ARHGEF7: variants seen among roughly 807,000 people sequenced by gnomAD.
ARHGEF7 encodes PAK-interacting exchange factor beta.
ARHGEF7 carries 33 observed loss-of-function variants against 109.8 expected under a neutral mutation model. The ratio of observed to expected loss-of-function variants is 0.30; its 90% CI spans 0.23 to 0.40. The LOEUF (loss-of-function observed/expected upper bound fraction) is 0.40, where lower values mean the gene tolerates loss of function less well. Among genes scored for constraint, ARHGEF7 ranks in the 10% least tolerant of loss-of-function variants. The pLI is 1.00. For synonymous variants in ARHGEF7, 458 were observed against 424.6 expected, an observed-to-expected ratio of 1.08 and a Z score of -0.97; for missense variants, 938 against 1,098.5, an observed-to-expected ratio of 0.85 and a Z score of 2.07.
chr13:111,179,275 G>C (rs989460766), intron 2 of ARHGEF7, among the ~76,000 whole-genome samples: 19 of 152,010 alleles, frequency 1.2e-4, no homozygotes, highest in Non-Finnish European at 2.6e-4. Flanking sequence ...GTAGAGACAG[G>C]GTTTCGCTAT....
At chr13:111,166,040 G>C (rs1397337876) in intron 2 of ARHGEF7, among the ~76,000 whole-genome samples, 2 of 152,120 alleles carry the variant, frequency 1.3e-5, no homozygotes, top group Non-Finnish European at 2.9e-5. Context: ...GTCACATCTG[G>C]TTCATCTTCC....
intron 19 of ARHGEF7, among the ~76,000 whole-genome samples, chr13:111,296,604 T>A (rs2093433719): frequency 6.6e-6 from 1 of 152,244 alleles, no homozygotes; most frequent in Admixed American, 6.5e-5. Flanking sequence ...GTTTTGTGTA[T>A]GTGGTTATAG....
intron 1 of ARHGEF7, among the ~76,000 whole-genome samples, chr13:111,130,553 ATTGAT>A (rs1436695911): frequency 3.9e-5 from 6 of 152,156 alleles, no homozygotes; most frequent in Non-Finnish European, 8.8e-5. Flanking sequence ...CAGTTCATTT[ATTGAT>A]TTATTTGTTT....
intron 8 of ARHGEF7, among the ~76,000 whole-genome samples, chr13:111,247,593 AT>A (rs962516507): frequency 7.0e-4 from 103 of 146,842 alleles, no homozygotes; most frequent in Admixed American, 4.5e-3. Flanking sequence ...ATTTCTTTTG[AT>A]TTTTTTTTTT....
intron 4 of ARHGEF7, among the ~76,000 whole-genome samples, chr13:111,213,606 TTTG>T (rs910905589): frequency 6.6e-5 from 10 of 152,208 alleles, no homozygotes; most frequent in African/African-American, 1.9e-4. Context: ...GGCATATCCT[TTTG>T]TTGTTGTTGT....
At chr13:111,183,884 G>GTCTCC (rs529732183) in intron 2 of ARHGEF7, among the ~76,000 whole-genome samples, 89 of 152,264 alleles carry the variant, frequency 5.8e-4, no homozygotes, top group Middle Eastern at 6.8e-3. Flanking sequence ...AGCTCTGTAA[G>GTCTCC]TCTCCACCAG....
At chr13:111,127,339 T>A (rs9588362) in intron 1 of ARHGEF7, among the ~76,000 whole-genome samples, 10,084 of 152,150 alleles carry the variant, frequency 0.066, 325 homozygotes, top group Middle Eastern at 0.12. Context: ...AAAAAATAAC[T>A]GTAATTTTAC....
Position 111,239,146 on chromosome 13 carries a change from A to G in ARHGEF7, c.760-4726A>G, listed in dbSNP as rs1307530107. Among the ~76,000 whole-genome samples, 1 of 152,082 alleles carries G rather than the reference A, an allele frequency of 6.6e-6. No individual in the cohort carries two copies. The highest frequency in any genetic ancestry group is 2.4e-5 in the African/African-American group (1 of 41,428). The stretch of plus-strand genomic sequence containing the variant: ...CCCTGCTCCCCCACACCCCCGTGCC[A>G]TGATTCAGTTACCTCCACCCTGTCC... On this transcript the variant is annotated intron_variant, in intron 6 of 21. Transcript: ENST00000646102. The surrounding 1 kb of genome is among the most constrained non-coding windows in gnomAD (Gnocchi z 4.3).
At chr13:111,251,306 G>A (rs917262890) in intron 8 of ARHGEF7, among the ~76,000 whole-genome samples, 10 of 152,242 alleles carry the variant, frequency 6.6e-5, no homozygotes, top group Admixed American at 2.6e-4. Context: ...GGCATTGGCT[G>A]TGGCTGGAGC....
intron 19 of ARHGEF7, chr13:111,294,540 G>A (rs566817054): frequency 2.0e-6 from 2 of 985,418 alleles, no homozygotes; most frequent in South Asian, 9.4e-5. Flanking sequence ...TTTTCTTGAT[G>A]CTAAGATCAC....
intron 8 of ARHGEF7, among the ~76,000 whole-genome samples, chr13:111,245,250 C>G (rs149763082): frequency 5.9e-4 from 90 of 152,240 alleles, no homozygotes; most frequent in African/African-American, 2.1e-3. Context: ...GACCACCAGA[C>G]AGTGACCAGG....
intron 4 of ARHGEF7, among the ~76,000 whole-genome samples, chr13:111,213,056 C>G (rs2082687436): frequency 6.6e-6 from 1 of 152,152 alleles, no homozygotes; most frequent in South Asian, 2.1e-4. Context: ...TATAGGTGCT[C>G]TTAGAGAGCG....
rs922784861 is a variant in ARHGEF7, at chr13:111,266,824, C to T, written c.951-724C>T. 2 of 456,050 alleles carry T rather than the reference C, an allele frequency of 4.4e-6. No homozygotes were observed. The highest frequency in any genetic ancestry group is 2.3e-5 in the Admixed American group (1 of 42,574). 28.3% of individuals were successfully genotyped at this position (456,050 alleles called of 1,614,324 possible). On this transcript the variant is annotated intron_variant, in intron 8 of 21. Coordinates refer to ENST00000646102, the MANE Select transcript of ARHGEF7 (RefSeq NM_001354046.2). This position sits in a 1 kb window ranked among gnomAD's most constrained non-coding sequence, Gnocchi z 4.8. ...AGAGTTCACGTGGTTCTCCTGTTTT[C>T]AGCACACGTGCCCCTGCTCCGGGTT...
intron 8 of ARHGEF7, among the ~76,000 whole-genome samples, chr13:111,252,308 AT>A (rs2089883354): frequency 6.6e-6 from 1 of 152,186 alleles, no homozygotes; most frequent in Non-Finnish European, 1.5e-5. Context: ...TAGGGCCAGG[AT>A]TGAGGGCCTG....
rs761352896 is a variant in ARHGEF7 at position 111,217,874 on chromosome 13, G to T, written c.664G>T (p.Ala222Ser). 1 of 1,610,718 alleles carries T rather than the reference G, an allele frequency of 6.2e-7. No individual in the cohort carries two copies. The highest frequency in any genetic ancestry group is 2.2e-5 in the East Asian group (1 of 44,766). ...CAGCAACTACGTGCGCGAGGTCAAG[G>T]CCAGCGGTAAGTGGCCGAGCCTGGG... ...FPSNYVREVK[A>S]SEKPVSPKSG... The change falls in exon 5 of 22, where the codon GCC becomes TCC. Residue 222 changes from alanine to serine, a missense_variant. Physicochemically the swap from Ala to Ser is moderately conservative, Grantham distance 99. Transcript: ENST00000646102.
intron 19 of ARHGEF7, among the ~76,000 whole-genome samples, chr13:111,296,865 C>T (rs2093438860): frequency 6.6e-6 from 1 of 152,222 alleles, no homozygotes; most frequent in African/African-American, 2.4e-5. Context: ...CCCCTCTCAT[C>T]TCCCAGAAAC....
chr13:111,176,440 T>C (rs2078167209), intron 2 of ARHGEF7, among the ~76,000 whole-genome samples: 1 of 152,234 alleles, frequency 6.6e-6, no homozygotes, highest in African/African-American at 2.4e-5. Flanking sequence ...TCTGGTTAGA[T>C]GGCCGGCCCC....
intron 19 of ARHGEF7, among the ~76,000 whole-genome samples, chr13:111,299,706 G>A (rs2093517670): frequency 6.6e-6 from 1 of 152,184 alleles, no homozygotes; most frequent in Admixed American, 6.5e-5. Flanking sequence ...TCCTGTGACA[G>A]TGAGGCTGCA....
At chr13:111,279,023 T>G (rs2092641038) in intron 13 of ARHGEF7, among the ~76,000 whole-genome samples, 1 of 152,242 alleles carries the variant, frequency 6.6e-6, no homozygotes, top group African/African-American at 2.4e-5. Flanking sequence ...ATTAGAACAC[T>G]GGCTTTGGGG....
Sources: gnomAD v4.1 joint callset for allele counts (sites outside exome capture counted in the v4.1 genomes callset) on GRCh38, gnomAD v4.1.1 for gene constraint, Gnocchi (gnomAD v3.1) non-coding constraint, MANE v1.5 for transcripts, NCBI Gene and HGNC (gene_info 2026-07-23, HGNC 2026-07-21) for gene names.